CYP2E1: variants seen among roughly 807,000 people sequenced by gnomAD.
CYP2E1 encodes the protein cytochrome P450 family 2 subfamily E member 1.
CYP2E1 carries 31 observed loss-of-function variants against 42.9 expected under a neutral mutation model. The observed-to-expected ratio is 0.72, with a 90% CI of 0.54 to 0.98. The LOEUF (loss-of-function observed/expected upper bound fraction) is 0.98, where lower values mean the gene tolerates loss of function less well. CYP2E1 is among the 50% of genes least tolerant of loss of function. The pLI, the probability that CYP2E1 is intolerant of heterozygous loss-of-function variation, is 0.00. For missense variants in CYP2E1, 565 were observed against 633.2 expected (o/e 0.89, Z 1.16); for synonymous variants, 244 against 248.9 (o/e 0.98, Z 0.19).
At chr10:133,535,488 A>T (rs961006190) in intron 6 of CYP2E1, among the ~76,000 whole-genome samples, 2 of 152,150 alleles carry the variant, frequency 1.3e-5, no homozygotes, top group African/African-American at 4.8e-5. Context: ...TTTCAATCAC[A>T]TGGAAATGTG....
Position 133,532,854 on chromosome 10 carries a change from G to C in CYP2E1, c.811G>C (p.Val271Leu). 1 of 1,604,496 alleles carries C rather than the reference G, an allele frequency of 6.2e-7. No homozygotes were observed. Among genetic ancestry groups the C allele is most frequent in the Non-Finnish European group, 8.5e-7 (1 of 1,177,616 alleles). Residue 271 changes from valine (V) to leucine (L), a missense_variant, in exon 5 of 9, where the codon GTG becomes CTG. Transcript: ENST00000252945. ...CCGGGACCTCACCGACTGCCTGCTC[G>C]TGGAAATGGAGAAGGTAGGCTCGGC... ...CPRDLTDCLL[V>L]EMEKEKHSAE...
At chr10:133,528,388 C>T in intron 1 of CYP2E1, 93 bp from the exon 2 acceptor site, 1 of 1,464,062 alleles carries the variant, frequency 6.8e-7, no homozygotes, top group Non-Finnish European at 9.3e-7. Flanking sequence ...TTCTCTAGAG[C>T]AACAGCAATA....
rs7088325 is a variant in CYP2E1, at chr10:133,530,585, C to T, written c.338-1000C>T. 4.2e-3 allele frequency among the ~76,000 whole-genome samples: 636 copies of T among 152,294 alleles called. 4 individuals carry two copies. Among genetic ancestry groups the T allele is most frequent in the African/African-American group, 0.014 (564 of 41,530 alleles). The stretch of plus-strand genomic sequence containing the variant: ...AGGCACTTTCTGAGCACCCTGCAGG[C>T]GCCTCCCAGGAGTGGTCAGTGGTCA... On this transcript the variant is annotated intron_variant, in intron 2 of 8. Coordinates refer to ENST00000252945, the MANE Select transcript of CYP2E1 (RefSeq NM_000773.4).
At chr10:133,531,980 G>C (rs1851343807) in intron 3 of CYP2E1, 144 bp from the exon 4 acceptor site, 1 of 849,450 alleles carries the variant, frequency 1.2e-6, no homozygotes, top group African/African-American at 1.7e-5. Flanking sequence ...AACTCAAACA[G>C]GTTCAGACAT....
intron 3 of CYP2E1, 55 bp downstream of exon 3, chr10:133,531,789 G>C: frequency 6.6e-7 from 1 of 1,524,112 alleles, no homozygotes; most frequent in South Asian, 1.3e-5. Context: ...GCGGTGTGGG[G>C]AGCCCTGGCT....
intron 5 of CYP2E1, 149 bp from the exon 6 acceptor site, chr10:133,533,605 ACT>A (rs909350199): frequency 3.4e-5 from 30 of 878,692 alleles, no homozygotes; most frequent in Non-Finnish European, 4.7e-5. Context: ...GGTGGAGATG[ACT>A]CTGTCTGTCA....
At position 133,537,760 on chromosome 10, in the gene CYP2E1, G is replaced by T. The variant is rs55897648; in HGVS notation, c.1165G>T (p.Val389Leu). 181 of 1,613,294 alleles carry T rather than the reference G, an allele frequency of 1.1e-4. No individual in the cohort carries two copies. The highest frequency in any genetic ancestry group is 1.5e-4 in the Non-Finnish European group (173 of 1,179,624). Residue 389 changes from valine (V) to leucine (L), a missense_variant, in exon 8 of 9, where the codon GTA (valine) becomes TTA (leucine). Transcript: ENST00000252945. Reference protein sequence around the residue: ...RGYLIPKGTVVVPTLDSVLYD... With the variant: ...RGYLIPKGTVLVPTLDSVLYD... ...TCTTTGTTTCTCCTAGGGCACAGTC[G>T]TAGTGCCAACTCTGGACTCTGTTTT... is the stretch of plus-strand genomic sequence containing the variant.
intron 5 of CYP2E1, 111 bp downstream of exon 5, chr10:133,532,979 A>G: frequency 9.9e-7 from 1 of 1,009,964 alleles, no homozygotes; most frequent in Non-Finnish European, 1.4e-6. Context: ...CCACCGCAGC[A>G]TGCTCTGAGT....
chr10:133,528,668 G>C lies in CYP2E1; in HGVS notation c.337+28G>C, dbSNP rs1215711208. 3.1e-6 allele frequency: 5 copies of C among 1,611,720 alleles called. No homozygotes were observed. The African/African-American group carries it at 5.3e-5, about 17-fold the overall frequency. ...GAGTCCGCGTCCCTGGCACGGAGCG[G>C]GGGGTGCATAACACGCCCCGGGACA... is the stretch of plus-strand genomic sequence containing the variant. On this transcript the variant is annotated intron_variant, in intron 2 of 8. Transcript: ENST00000252945.
intron 8 of CYP2E1, among the ~76,000 whole-genome samples, chr10:133,538,455 C>T (rs888980026): frequency 6.6e-6 from 1 of 152,184 alleles, no homozygotes; most frequent in Non-Finnish European, 1.5e-5. Flanking sequence ...CACTATTTCC[C>T]TCCTGTAGGC....
chr10:133,535,125 G>A (rs1851382078), intron 6 of CYP2E1, among the ~76,000 whole-genome samples: 1 of 152,006 alleles, frequency 6.6e-6, no homozygotes, highest in African/African-American at 2.4e-5. Context: ...CACGAGGTCA[G>A]GAGTTCGAGA....
chr10:133,529,475 C>G (rs763111804), intron 2 of CYP2E1, among the ~76,000 whole-genome samples: 40 of 152,378 alleles, frequency 2.6e-4, no homozygotes, highest in Non-Finnish European at 5.3e-4. Flanking sequence ...CACATGGAAG[C>G]CTCTACTTCT....
intron 4 of CYP2E1, 126 bp from the exon 5 acceptor site, chr10:133,532,566 C>T (rs1851352303): frequency 1.0e-6 from 1 of 964,138 alleles, no homozygotes; most frequent in Non-Finnish European, 1.6e-6. Context: ...ACACTGTTGA[C>T]CCAAAATATT....
At chr10:133,533,228 C>A (rs747629843) in intron 5 of CYP2E1, among the ~76,000 whole-genome samples, 1 of 152,198 alleles carries the variant, frequency 6.6e-6, no homozygotes, top group Non-Finnish European at 1.5e-5. Flanking sequence ...GACTTCCAGG[C>A]CTCCCCAGCT....
intron 7 of CYP2E1, 151 bp downstream of exon 7, chr10:133,537,401 A>G (rs1422632112): frequency 5.4e-6 from 4 of 740,064 alleles, no homozygotes; most frequent in Non-Finnish European, 6.5e-6. Context: ...CCTGTGGGAT[A>G]CTGCATCTCC....
Position 133,528,648 on chromosome 10 carries a change from C to T in CYP2E1, c.337+8C>T, listed in dbSNP as rs779674200. 6.2e-6 allele frequency: 10 copies of T among 1,612,734 alleles called. No homozygotes were observed. Among genetic ancestry groups the T allele is most frequent in the Non-Finnish European group, 7.6e-6 (9 of 1,179,876 alleles). On this transcript the variant is annotated splice_region_variant and intron_variant, in intron 2 of 8. Coordinates refer to ENST00000252945, the MANE Select transcript of CYP2E1 (RefSeq NM_000773.4). ...ATGCGCACAGGGACAGGGGTGAGTC[C>T]GCGTCCCTGGCACGGAGCGGGGGGT...
Position 133,528,366 on chromosome 10 carries a change from C to T in CYP2E1, c.178-115C>T, listed in dbSNP as rs1158776709. ...GCTGGACAAAGACAGCTTTTCCCCA[C>T]GTCCCTCTGGGTTCTCTAGAGCAAC... On this transcript the variant is annotated intron_variant, in intron 1 of 8. Transcript: ENST00000252945. 4.8e-6 allele frequency: 6 copies of T among 1,247,136 alleles called. No homozygotes were observed. The East Asian group carries it at 1.0e-4, about 21-fold the overall frequency. The allele number at this position is 1,247,136 out of a possible 1,614,324, so 77.3% of individuals were successfully genotyped here. A position where few individuals can be genotyped will look rare whatever the true frequency, so the allele number is the denominator to read the frequency against.
chr10:133,532,742 A>G lies in CYP2E1; in HGVS notation c.699A>G (p.Arg233=). The change falls in exon 5 of 9, where the codon AGA becomes AGG. Residue 233 remains arginine, a synonymous_variant. Transcript: ENST00000252945. ...SFLHYLPGSH[R]KVIKNVAEVK... is the part of the protein sequence containing the mutation. ...TACACTACTTGCCTGGAAGCCACAG[A>G]AAAGTCATAAAAAATGTGGCTGAAG... The G allele has an allele frequency of 6.2e-7, 1 of 1,613,000 alleles. No homozygotes were observed. The highest frequency in any genetic ancestry group is 1.1e-5 in the South Asian group (1 of 90,706).
intron 7 of CYP2E1, 88 bp downstream of exon 7, chr10:133,537,338 G>C: frequency 7.2e-7 from 1 of 1,388,774 alleles, no homozygotes; most frequent in Non-Finnish European, 9.9e-7. Context: ...GGGGCCCCAA[G>C]ACCCTTCCCT....
Sources: gnomAD v4.1 joint callset for allele counts (sites outside exome capture counted in the v4.1 genomes callset) on GRCh38, gnomAD v4.1.1 for gene constraint, MANE v1.5 for transcripts, NCBI Gene and HGNC (gene_info 2026-07-23, HGNC 2026-07-21) for gene names.